SOX5: variants seen among roughly 807,000 people sequenced by gnomAD.
SOX5 encodes SRY-box transcription factor 5.
SOX5 carries 9 observed loss-of-function variants against 92.0 expected under a neutral mutation model. The observed-to-expected ratio is 0.10, with a 90% CI of 0.06 to 0.17. The LOEUF is 0.17. Among genes scored for constraint, SOX5 ranks in the 10% least tolerant of loss-of-function variants. The pLI is 1.00. For synonymous variants in SOX5, 344 were observed against 336.3 expected (o/e 1.02, Z -0.25); for missense variants, 642 against 944.5 (o/e 0.68, Z 4.20).
At chr12:24,261,099 G>A (rs1007903217) in intron 3 of SOX5, among the ~76,000 whole-genome samples, 1 of 152,060 alleles carries the variant, frequency 6.6e-6, no homozygotes, top group African/African-American at 2.4e-5. Context: ...TTCAATATAT[G>A]CTAACTTTAT....
chr12:24,307,513 G>GTTA (rs1948726449), intron 2 of SOX5, among the ~76,000 whole-genome samples: 12 of 31,318 alleles, frequency 3.8e-4, no homozygotes, highest in Non-Finnish European at 4.5e-4. Flanking sequence ...AAGGAAGGAA[G>GTTA]GAAGGCCGGC....
chr12:23,789,886 AAAC>A (rs752582750), intron 3 of SOX5, among the ~76,000 whole-genome samples: 15 of 152,196 alleles, frequency 9.9e-5, no homozygotes, highest in Non-Finnish European at 1.2e-4. Context: ...TACTTTTGAA[AAAC>A]AACAAATCTG....
intron 6 of SOX5, among the ~76,000 whole-genome samples, chr12:23,673,536 G>A (rs2085143818): frequency 2.0e-5 from 3 of 152,122 alleles, no homozygotes; most frequent in African/African-American, 4.8e-5. Flanking sequence ...TGACCAACAT[G>A]AAATATAATA....
chr12:24,271,960 T>A (rs1261448397), intron 3 of SOX5, among the ~76,000 whole-genome samples: 1 of 122,702 alleles, frequency 8.1e-6, no homozygotes, highest in African/African-American at 3.0e-5. Context: ...AATTAACTTG[T>A]GACATTTCAC....
Position 24,487,315 on chromosome 12 carries a change from A to G in SOX5, c.-251+75014T>C, listed in dbSNP as rs564128273. Among the ~76,000 whole-genome samples, 18 of 152,332 alleles carry G rather than the reference A, an allele frequency of 1.2e-4. 1 individual carries two copies. The highest frequency in any genetic ancestry group is 7.8e-4 in the Admixed American group (12 of 15,294). ...AACCAATAGATTTATGTCTCATTTCATTTATCTGACAACAAAAGTTAAATT... is the reference window on the plus strand; with the variant it reads ...AACCAATAGATTTATGTCTCATTTCGTTTATCTGACAACAAAAGTTAAATT... On this transcript the variant is annotated intron_variant, in intron 1 of 4. Transcript: ENST00000446891.
At chr12:24,301,522 G>A (rs772398647) in intron 2 of SOX5, among the ~76,000 whole-genome samples, 23 of 152,180 alleles carry the variant, frequency 1.5e-4, no homozygotes, top group East Asian at 5.8e-4. Flanking sequence ...AAGAGCAGGC[G>A]CCAAAATGTA....
chr12:24,243,254 A>G (rs1305011428), intron 3 of SOX5, among the ~76,000 whole-genome samples: 1 of 152,182 alleles, frequency 6.6e-6, no homozygotes. Flanking sequence ...GACATGGTAT[A>G]ACAATTTTAA....
chr12:24,136,298 T>C (rs1445170907), intron 4 of SOX5, among the ~76,000 whole-genome samples: 1 of 152,052 alleles, frequency 6.6e-6, no homozygotes, highest in Non-Finnish European at 1.5e-5. Context: ...GAGTCATGGG[T>C]TTTCATTCCA....
chr12:24,311,019 A>G (rs1949114267), intron 2 of SOX5, among the ~76,000 whole-genome samples: 1 of 152,240 alleles, frequency 6.6e-6, no homozygotes, highest in Non-Finnish European at 1.5e-5. Flanking sequence ...ACTACAGAGC[A>G]AGAAGGTCAC....
chr12:23,719,904 G>C (rs544462600), intron 6 of SOX5, among the ~76,000 whole-genome samples: 2 of 151,554 alleles, frequency 1.3e-5, no homozygotes, highest in Non-Finnish European at 2.9e-5. Flanking sequence ...TCACAAGCAT[G>C]GGAATGACTG....
chr12:24,273,699 C>T (rs1466610576), intron 3 of SOX5, among the ~76,000 whole-genome samples: 1 of 152,066 alleles, frequency 6.6e-6, no homozygotes, highest in Non-Finnish European at 1.5e-5. Context: ...TTTGTTCTTA[C>T]TTTAATTAAT....
At chr12:23,820,401 T>C (rs1289431669) in intron 3 of SOX5, among the ~76,000 whole-genome samples, 1 of 152,246 alleles carries the variant, frequency 6.6e-6, no homozygotes, top group Non-Finnish European at 1.5e-5. Flanking sequence ...ACAGTTTCCT[T>C]TGCTGTGCAG....
Position 24,098,238 on chromosome 12 carries a change from T to C in SOX5, c.-2+115105A>G, listed in dbSNP as rs551892488. ...AGCAATATCAATACACACATCCTTA[T>C]TAACCACTTAGGTCTATAAACAACC... is the stretch of plus-strand genomic sequence containing the variant. On this transcript the variant is annotated intron_variant, in intron 4 of 4. Transcript: ENST00000446891. 7.9e-5 allele frequency among the ~76,000 whole-genome samples: 12 copies of C among 152,294 alleles called. No homozygotes were observed. The South Asian group carries it at 1.7e-3, about 21-fold the overall frequency.
At chr12:23,591,156 G>A (rs535718731) in intron 9 of SOX5, among the ~76,000 whole-genome samples, 467 of 151,970 alleles carry the variant, frequency 3.1e-3, no homozygotes, top group African/African-American at 0.011. Flanking sequence ...ACAATAGCTA[G>A]AAAGCATATT....
At chr12:24,023,263 T>G (rs935655939) in intron 4 of SOX5, among the ~76,000 whole-genome samples, 3 of 152,124 alleles carry the variant, frequency 2.0e-5, no homozygotes, top group Non-Finnish European at 2.9e-5. Flanking sequence ...TCAACAGAGC[T>G]TTCTGAGGAT....
chr12:24,243,547 T>C (rs535409925), intron 3 of SOX5, among the ~76,000 whole-genome samples: 4 of 152,298 alleles, frequency 2.6e-5, no homozygotes, highest in Non-Finnish European at 2.9e-5. Flanking sequence ...CCTTGTCCTA[T>C]TCTTTTCATA....
chr12:23,777,438 C>T (rs1363078643), intron 3 of SOX5, among the ~76,000 whole-genome samples: 1 of 151,946 alleles, frequency 6.6e-6, no homozygotes, highest in Non-Finnish European at 1.5e-5. Flanking sequence ...ATTTCCTTGT[C>T]CTCTTAAACA....
At chr12:24,248,246 G>C (rs576171941) in intron 3 of SOX5, among the ~76,000 whole-genome samples, 24 of 152,278 alleles carry the variant, frequency 1.6e-4, no homozygotes, top group African/African-American at 5.8e-4. Flanking sequence ...GTAGTAATTT[G>C]CCTTTGGAGG....
At chr12:23,769,383 G>A (rs2094847159) in intron 3 of SOX5, among the ~76,000 whole-genome samples, 1 of 151,802 alleles carries the variant, frequency 6.6e-6, no homozygotes, top group African/African-American at 2.4e-5. Context: ...AATAAGAGGG[G>A]AAAAAGTTTA....
Sources: gnomAD v4.1 joint callset for allele counts (sites outside exome capture counted in the v4.1 genomes callset) on GRCh38, gnomAD v4.1.1 for gene constraint, MANE v1.5 for transcripts, NCBI Gene and HGNC (gene_info 2026-07-23, HGNC 2026-07-21) for gene names.